The following BSG variants were observed in gnomAD, a reference collection of about 807,000 sequenced individuals.
BSG encodes the protein basigin.
A neutral mutation model predicts 43.1 loss-of-function variants in BSG; 37 were observed. The observed-to-expected ratio is 0.86, with a 90% CI of 0.66 to 1.13. BSG has a LOEUF of 1.13. Among genes scored for constraint, BSG ranks in the 50% most tolerant of loss-of-function variants. The probability of loss-of-function intolerance (pLI) is 0.00; values close to 1 mark genes in which losing one functional copy is unlikely to be tolerated. For missense variants in BSG, 599 were observed against 554.2 expected (o/e 1.08, Z -0.81); for synonymous variants, 309 against 238.7 (o/e 1.29, Z -2.72).
upstream of BSG, chr19:571,656 G>A: frequency 1.3e-6 from 1 of 771,258 alleles, no homozygotes; most frequent in Non-Finnish European, 2.4e-6. Flanking sequence ...CCCGCAAAGA[G>A]AAACCAGCAC....
chr19:579,362 G>A lies in BSG; in HGVS notation c.416-138G>A, dbSNP rs144233497. 216 of 1,211,254 alleles carry A rather than the reference G, an allele frequency of 1.8e-4. 2 individuals are homozygous for A. The East Asian group carries it at 3.9e-3, about 22-fold the overall frequency. The allele number at this position is 1,211,254 out of a possible 1,614,324, so 75.0% of individuals were successfully genotyped here. On this transcript the variant is annotated intron_variant, in intron 2 of 8. Coordinates refer to ENST00000333511, the MANE Select transcript of BSG (RefSeq NM_001728.4). The stretch of plus-strand genomic sequence containing the variant: ...AGTTCCCCTTGGGCCTCCGGTCCTC[G>A]GGGCGTAAGGGCCACGGTGTATTTT...
Position 582,824 on chromosome 19 carries a change from G to C in BSG, c.*80G>C. ...ACTCCCAGTGCTTGCAAGATTCCAA[G>C]TTCTCACCTCTTAAAGAAAACCCAC... is the stretch of plus-strand genomic sequence containing the variant. On this transcript the variant is annotated 3_prime_UTR_variant, in exon 9 of 9. Transcript: ENST00000333511. The C allele has an allele frequency of 1.8e-6, 1 of 564,956 alleles. No individual in the cohort carries two copies. The highest frequency in any genetic ancestry group is 3.1e-6 in the Non-Finnish European group (1 of 318,948). The allele number at this position is 564,956 out of a possible 1,614,324, so 35.0% of individuals were successfully genotyped here. A position where few individuals can be genotyped will look rare whatever the true frequency, so the allele number is the denominator to read the frequency against.
intron 3 of BSG, chr19:580,023 A>G (rs1284922191): frequency 9.8e-6 from 4 of 407,606 alleles, no homozygotes; most frequent in Non-Finnish European, 1.8e-5. Context: ...AGACGCTGTC[A>G]TGGCCGGAGC....
At chr19:582,658 G>A in intron 8 of BSG, 76 bp downstream of exon 8, 1 of 1,417,248 alleles carries the variant, frequency 7.1e-7, no homozygotes, top group Non-Finnish European at 9.6e-7. Context: ...AGGTGTGGTG[G>A]GCGGGATCTG....
chr19:574,664 T>A (rs1981607370), intron 1 of BSG, among the ~76,000 whole-genome samples: 2 of 152,260 alleles, frequency 1.3e-5, no homozygotes. Flanking sequence ...GCCTCTGTCC[T>A]GGGCATTGAG....
rs758009433 is a variant in BSG at position 578,035 on chromosome 19, C to T, written c.329C>T (p.Ala110Val). 3.1e-6 allele frequency: 5 copies of T among 1,611,438 alleles called. No homozygotes were observed. Among genetic ancestry groups the T allele is most frequent in the Non-Finnish European group, 3.4e-6 (4 of 1,179,428 alleles). ...EEDTGTYECR[A>V]SNDPDRNHLT... Reference sequence around the variant, plus strand: ...GACACGGGCACTTACGAGTGCCGGGCCAGCAACGACCCGGATCGCAACCAC... The same window carrying T: ...GACACGGGCACTTACGAGTGCCGGGTCAGCAACGACCCGGATCGCAACCAC... Residue 110 changes from alanine to valine, a missense_variant, in exon 2 of 9, where the codon GCC (alanine) becomes GTC (valine). Physicochemically the swap from Ala to Val is moderately conservative, Grantham distance 64 (BLOSUM62 0). Coordinates refer to ENST00000333511, the MANE Select transcript of BSG (RefSeq NM_001728.4).
At chr19:578,718 C>T (rs866058932) in intron 2 of BSG, 11 of 287,760 alleles carry the variant, frequency 3.8e-5, no homozygotes, top group Non-Finnish European at 5.4e-5. Context: ...GAGCCTTGGC[C>T]GGGGGTGCTG....
At chr19:580,554 C>T (rs1030369040) in intron 4 of BSG, 92 bp from the exon 5 acceptor site, 1 of 1,604,144 alleles carries the variant, frequency 6.2e-7, no homozygotes, top group Non-Finnish European at 8.5e-7. Flanking sequence ...CCCTGGCCCC[C>T]TGCTCCCTGG....
rs879183063 is a variant in BSG at position 581,207 on chromosome 19, C to A, written c.793-108C>A. On this transcript the variant is annotated intron_variant, in intron 5 of 8. Coordinates refer to ENST00000333511, the MANE Select transcript of BSG (RefSeq NM_001728.4). ...ACTGGGGGTCCCGGACTCAGCCCTC[C>A]GGACTGGGTGAGGGGCCTAGACTGG... is the stretch of plus-strand genomic sequence containing the variant. 7.6e-4 allele frequency: 1,009 copies of A among 1,321,044 alleles called. 26 individuals carry two copies. The highest frequency in any genetic ancestry group is 9.5e-4 in the Non-Finnish European group (946 of 990,728). 81.8% of individuals were successfully genotyped at this position (1,321,044 alleles called of 1,614,324 possible). A position where few individuals can be genotyped will look rare whatever the true frequency, so the allele number is the denominator to read the frequency against.
In BSG at chr19:582,783, G is replaced by T. The variant is rs889920637; in HGVS notation, c.*39G>T. The T allele has an allele frequency of 1.7e-6, 1 of 604,044 alleles. No individual in the cohort carries two copies. Among genetic ancestry groups the T allele is most frequent in the Non-Finnish European group, 2.9e-6 (1 of 342,224 alleles). The allele number at this position is 604,044 out of a possible 1,614,324, so 37.4% of individuals were successfully genotyped here. A position where few individuals can be genotyped will look rare whatever the true frequency, so the allele number is the denominator to read the frequency against. On this transcript the variant is annotated 3_prime_UTR_variant, in exon 9 of 9. Transcript: ENST00000333511. ...AGGACGCTCCCTGCTCCACGTCTGC[G>T]CCGCCGCCGGAGTCCACTCCCAGTG...
In BSG at chr19:572,692, T is replaced by C; in HGVS notation, c.58T>C (p.Ser20Pro). 1 of 1,485,974 alleles carries C rather than the reference T, an allele frequency of 6.7e-7. No homozygotes were observed. Among genetic ancestry groups the C allele is most frequent in the Admixed American group, 2.3e-5 (1 of 43,968 alleles). The allele number at this position is 1,485,974 out of a possible 1,614,324, so 92.0% of individuals were successfully genotyped here. Residue 20 changes from serine to proline, a missense_variant, in exon 1 of 9, where the codon TCC becomes CCC. Transcript: ENST00000333511. ...CGCGCTGCTGGGCACCCACGGAGCC[T>C]CCGGGGCTGGTGAGGAGCGGGTAGG... ...GFALLGTHGA[S>P]GAAGFVQAPL...
rs1440515025 is a variant in BSG at position 572,721 on chromosome 19, C to T, written c.67+20C>T. The T allele has an allele frequency of 2.1e-6, 3 of 1,460,340 alleles. No individual in the cohort carries two copies. Among genetic ancestry groups the T allele is most frequent in the Non-Finnish European group, 2.7e-6 (3 of 1,098,526 alleles). The allele number at this position is 1,460,340 out of a possible 1,614,324, so 90.5% of individuals were successfully genotyped here. ...GGGCTGGTGAGGAGCGGGTAGGGGGCGGGGGTGCGGTCCTGCAGGGGCCGG... is the reference window on the plus strand; with the variant it reads ...GGGCTGGTGAGGAGCGGGTAGGGGGTGGGGGTGCGGTCCTGCAGGGGCCGG... On this transcript the variant is annotated intron_variant, in intron 1 of 8. Coordinates refer to ENST00000333511, the MANE Select transcript of BSG (RefSeq NM_001728.4).
chr19:577,367 G>A (rs896075073), intron 1 of BSG, among the ~76,000 whole-genome samples: 3 of 151,806 alleles, frequency 2.0e-5, no homozygotes, highest in Non-Finnish European at 4.4e-5. Context: ...TTTGGGCTTT[G>A]GGGTTTGTTT....
rs150266323 is a variant in BSG at position 577,820 on chromosome 19, C to T, written c.114C>T (p.Gly38=). 2.7e-6 allele frequency: 4 copies of T among 1,471,802 alleles called. No homozygotes were observed. In the African/African-American group the frequency reaches 5.6e-5, roughly 21 times the overall value. 91.2% of individuals were successfully genotyped at this position (1,471,802 alleles called of 1,614,324 possible). The change falls in exon 2 of 9, where the codon GGC becomes GGT. Residue 38 remains glycine (G), a synonymous_variant. Coordinates refer to ENST00000333511, the MANE Select transcript of BSG (RefSeq NM_001728.4). Reference sequence around the variant, plus strand: ...TGTCCCAGCAGAGGTGGGTGGGGGGCAGTGTGGAGCTGCACTGCGAGGCCG... The same window carrying T: ...TGTCCCAGCAGAGGTGGGTGGGGGGTAGTGTGGAGCTGCACTGCGAGGCCG... ...APLSQQRWVG[G]SVELHCEAVG... is the part of the protein sequence containing the mutation.
In BSG at chr19:572,662, G is replaced by C; in HGVS notation, c.28G>C (p.Gly10Arg). 1 of 1,506,010 alleles carries C rather than the reference G, an allele frequency of 6.6e-7. No homozygotes were observed. Among genetic ancestry groups the C allele is most frequent in the Non-Finnish European group, 8.9e-7 (1 of 1,125,846 alleles). 93.3% of individuals were successfully genotyped at this position (1,506,010 alleles called of 1,614,324 possible). The change falls in exon 1 of 9, where the codon GGA becomes CGA. Residue 10 changes from glycine to arginine, a missense_variant. Transcript: ENST00000333511. MAAALFVLL[G>R]FALLGTHGAS... Reference sequence around the variant, plus strand: ...GGCGGCTGCGCTGTTCGTGCTGCTGGGATTCGCGCTGCTGGGCACCCACGG... The same window carrying C: ...GGCGGCTGCGCTGTTCGTGCTGCTGCGATTCGCGCTGCTGGGCACCCACGG...
intron 2 of BSG, chr19:579,126 G>C (rs781671888): frequency 8.5e-6 from 4 of 469,072 alleles, no homozygotes; most frequent in Non-Finnish European, 1.7e-5. Context: ...GCTCAGGGAC[G>C]TGGGTGGGTG....
At chr19:576,808 C>T (rs969709714) in intron 1 of BSG, among the ~76,000 whole-genome samples, 4 of 152,122 alleles carry the variant, frequency 2.6e-5, no homozygotes, top group Admixed American at 6.5e-5. Context: ...TTGTCAACTG[C>T]GCCTGCCCAG....
At chr19:578,754 A>G in intron 2 of BSG, 35 of 242,714 alleles carry the variant, frequency 1.4e-4, no homozygotes, top group South Asian at 2.7e-4. Context: ...TTTTTCCTGG[A>G]GATGGAGTCT....
At chr19:579,740 A>C (rs1414787984) in intron 3 of BSG, 84 bp downstream of exon 3, 5 of 1,515,824 alleles carry the variant, frequency 3.3e-6, no homozygotes, top group Non-Finnish European at 4.4e-6. Flanking sequence ...GTGAGAACAA[A>C]AGACCGGTCG....
Sources: gnomAD v4.1 joint callset for allele counts (sites outside exome capture counted in the v4.1 genomes callset) on GRCh38, gnomAD v4.1.1 for gene constraint, MANE v1.5 for transcripts, NCBI Gene and HGNC (gene_info 2026-07-23, HGNC 2026-07-21) for gene names.